Variants in CDH18 observed in about 807,000 individuals in gnomAD.
CDH18 encodes the protein cadherin 18.
In CDH18, 31 loss-of-function variants were observed where a neutral mutation model predicts 67.9. The ratio of observed to expected loss-of-function variants is 0.46; its 90% CI spans 0.34 to 0.62. The LOEUF (loss-of-function observed/expected upper bound fraction) is 0.62. CDH18 is among the 20% of genes least tolerant of loss of function. CDH18 has a pLI of 0.01. For synonymous variants in CDH18, 362 were observed against 347.2 expected (o/e 1.04, Z -0.48); for missense variants, 890 against 975.5 (o/e 0.91, Z 1.17).
intron 1 of CDH18, among the ~76,000 whole-genome samples, chr5:20,317,822 G>C (rs1037275527): frequency 2.9e-4 from 44 of 152,126 alleles, no homozygotes; most frequent in African/African-American, 9.9e-4. Flanking sequence ...TCCTCCCAGA[G>C]GGATGATTAG....
chr5:19,611,109 C>T (rs1031164536), intron 6 of CDH18, among the ~76,000 whole-genome samples: 1 of 152,102 alleles, frequency 6.6e-6, no homozygotes, highest in African/African-American at 2.4e-5. Flanking sequence ...GGGCTGAACA[C>T]CTAAGTTCGC....
chr5:19,862,876 T>C (rs879927572), intron 2 of CDH18, among the ~76,000 whole-genome samples: 446 of 152,232 alleles, frequency 2.9e-3, no homozygotes, highest in Non-Finnish European at 4.4e-3. Context: ...AAAAGACAGT[T>C]TATTATGCAT....
chr5:19,485,502 G>A (rs1026220966), intron 11 of CDH18, among the ~76,000 whole-genome samples: 4 of 152,054 alleles, frequency 2.6e-5, no homozygotes, highest in Admixed American at 6.6e-5. Flanking sequence ...CGATCCACCC[G>A]CCTCGGCCTC....
intron 2 of CDH18, among the ~76,000 whole-genome samples, chr5:20,109,835 A>G (rs888453231): frequency 5.9e-5 from 9 of 152,138 alleles, no homozygotes; most frequent in African/African-American, 2.2e-4. Flanking sequence ...TAATGAAGAC[A>G]TTTCTTTAGA....
intron 2 of CDH18, among the ~76,000 whole-genome samples, chr5:20,086,651 C>A (rs904534933): frequency 5.3e-5 from 8 of 151,400 alleles, no homozygotes; most frequent in African/African-American, 2.0e-4. Context: ...TATGCTAAAT[C>A]TACTCTGTAC....
intron 2 of CDH18, among the ~76,000 whole-genome samples, chr5:19,994,479 G>A (rs549351094): frequency 7.3e-5 from 11 of 149,878 alleles, no homozygotes; most frequent in East Asian, 6.0e-4. Flanking sequence ...GAACATCTCC[G>A]TTTATAAATT....
chr5:20,004,138 T>G (rs1736690734), intron 2 of CDH18, among the ~76,000 whole-genome samples: 1 of 152,172 alleles, frequency 6.6e-6, no homozygotes, highest in African/African-American at 2.4e-5. Flanking sequence ...CTCATTTAGT[T>G]TTCTAACTCA....
At chr5:19,749,147 G>T (rs1378039008) in intron 3 of CDH18, among the ~76,000 whole-genome samples, 1 of 151,902 alleles carries the variant, frequency 6.6e-6, no homozygotes, top group Non-Finnish European at 1.5e-5. Context: ...GCAGACACCC[G>T]CAAAGTGTCA....
At chr5:20,567,863 G>A (rs985720441) in intron 1 of CDH18, among the ~76,000 whole-genome samples, 3 of 152,036 alleles carry the variant, frequency 2.0e-5, no homozygotes, top group African/African-American at 4.8e-5. Context: ...GGTTTTACTC[G>A]TCTTTGCAGC....
intron 1 of CDH18, among the ~76,000 whole-genome samples, chr5:20,493,280 C>T (rs1456023516): frequency 3.2e-5 from 4 of 124,292 alleles, no homozygotes; most frequent in South Asian, 5.5e-4. Context: ...GCCTGGGAGG[C>T]GGAGGTTGCA....
chr5:20,443,124 G>A (rs1004780101), intron 1 of CDH18, among the ~76,000 whole-genome samples: 1 of 144,028 alleles, frequency 6.9e-6, no homozygotes, highest in Non-Finnish European at 1.5e-5. Context: ...GAAGGAGAAT[G>A]GCGTGAACCC....
chr5:20,265,011 G>A (rs978867247), intron 1 of CDH18, among the ~76,000 whole-genome samples: 2 of 152,094 alleles, frequency 1.3e-5, no homozygotes, highest in African/African-American at 2.4e-5. Flanking sequence ...TACGAGAGAC[G>A]AGTGAGATAA....
intron 2 of CDH18, among the ~76,000 whole-genome samples, chr5:20,054,567 A>G (rs566436053): frequency 6.6e-6 from 1 of 152,088 alleles, no homozygotes; most frequent in Non-Finnish European, 1.5e-5. Flanking sequence ...TTTAGCGTCT[A>G]TTTTATAGCT....
intron 2 of CDH18, among the ~76,000 whole-genome samples, chr5:20,130,181 G>A (rs1023144553): frequency 2.0e-5 from 3 of 151,424 alleles, no homozygotes; most frequent in African/African-American, 4.9e-5. Context: ...AACATGAAAG[G>A]TAGTATACTA....
intron 3 of CDH18, among the ~76,000 whole-genome samples, chr5:19,827,082 T>C (rs74548638): frequency 8.9e-4 from 136 of 152,238 alleles, no homozygotes; most frequent in East Asian, 2.7e-3. Context: ...GGGTTGTTAT[T>C]GTAATTTCAG....
At chr5:19,589,892 T>A (rs1252183930) in intron 7 of CDH18, among the ~76,000 whole-genome samples, 1 of 152,136 alleles carries the variant, frequency 6.6e-6, no homozygotes, top group African/African-American at 2.4e-5. Context: ...CTCCTAGGCT[T>A]CTTTCAATTC....
chr5:19,531,158 G>A (rs1249188640), intron 9 of CDH18, among the ~76,000 whole-genome samples: 2 of 151,954 alleles, frequency 1.3e-5, no homozygotes, highest in East Asian at 1.9e-4. Context: ...TAAATACAGC[G>A]TTCATTAAGA....
chr5:20,230,919 A>G (rs1021133556), intron 2 of CDH18, among the ~76,000 whole-genome samples: 1 of 152,176 alleles, frequency 6.6e-6, no homozygotes, highest in Non-Finnish European at 1.5e-5. Context: ...ACAGAGAGGG[A>G]AAAAAGAAAT....
intron 2 of CDH18, among the ~76,000 whole-genome samples, chr5:20,180,084 C>T (rs1737564277): frequency 6.6e-6 from 1 of 152,082 alleles, no homozygotes; most frequent in Non-Finnish European, 1.5e-5. Context: ...CAGAATGCGC[C>T]AACAGTGCAT....
Sources: allele counts gnomAD v4.1 joint callset (sites outside exome capture counted in the v4.1 genomes callset), GRCh38; gene constraint gnomAD v4.1.1; transcripts MANE v1.5; gene names NCBI Gene and HGNC (gene_info 2026-07-23, HGNC 2026-07-21).